The following GRM6 variants were observed in gnomAD, a reference collection of about 807,000 sequenced individuals.
The protein encoded by GRM6 is metabotropic glutamate receptor 6.
In GRM6, 73 loss-of-function variants were observed where a neutral mutation model predicts 78.4. The ratio of observed to expected loss-of-function variants is 0.93; its 90% confidence interval spans 0.77 to 1.13. The LOEUF is 1.13. Ranked by LOEUF, GRM6 falls within the 50% of genes most tolerant of loss-of-function variation. The probability of loss-of-function intolerance (pLI) is 0.00; values close to 1 mark genes in which losing one functional copy is unlikely to be tolerated. For missense variants in GRM6, 1,251 were observed against 1,256.4 expected (o/e 1.00, Z 0.07); for synonymous variants, 580 against 555.0 (o/e 1.05, Z -0.63).
Position 178,992,154 on chromosome 5 carries a change from C to A in GRM6, c.505-71G>T, listed in dbSNP as rs575080324. Reference sequence around the variant, plus strand: ...CTCAAGAGAGGGAGGGTAAGGGGGGCCCAGGACACGGACGGGGCACAGAAG... The same window carrying A: ...CTCAAGAGAGGGAGGGTAAGGGGGGACCAGGACACGGACGGGGCACAGAAG... On this transcript the variant is annotated intron_variant, in intron 2 of 10. Transcript: ENST00000517717. The surrounding 1 kb of genome is among the most constrained non-coding windows in gnomAD (Gnocchi z 4.9). 1.9e-6 allele frequency: 2 copies of A among 1,033,892 alleles called. No homozygotes were observed. The highest frequency in any genetic ancestry group is 2.5e-5 in the East Asian group (1 of 40,610). The allele number at this position is 1,033,892 out of a possible 1,614,324, so 64.0% of individuals were successfully genotyped here.
chr5:178,982,973 G>A lies in GRM6; in HGVS notation c.2373C>T (p.Thr791=), dbSNP rs770043730. 7 of 1,614,188 alleles carry A rather than the reference G, an allele frequency of 4.3e-6. No individual in the cohort carries two copies. The highest frequency in any genetic ancestry group is 5.9e-6 in the Non-Finnish European group (7 of 1,179,996). Residue 791 remains threonine, a synonymous_variant, in exon 10 of 11, where the codon ACC becomes ACT. Coordinates refer to ENST00000517717, the MANE Select transcript of GRM6 (RefSeq NM_000843.4). ...EAKPIGFTMY[T]TCIIWLAFVP... Reference sequence around the variant, plus strand: ...CGAATGCCAGCCAGATGATGCAGGTGGTGTACATGGTGAAGCCGATGGGCT... The same window carrying A: ...CGAATGCCAGCCAGATGATGCAGGTAGTGTACATGGTGAAGCCGATGGGCT...
Position 178,991,642 on chromosome 5 carries a change from G to T in GRM6, c.722-83C>A. ...GCCACCGCTGCAGAGGACTGTGTAG[G>T]CTGGCTGAAGGGTCTGCAGGGGTGA... On this transcript the variant is annotated intron_variant, in intron 3 of 10. Transcript: ENST00000517717. The surrounding 1 kb of genome is among the most constrained non-coding windows in gnomAD (Gnocchi z 5.0). The T allele has an allele frequency of 6.7e-7, 1 of 1,500,166 alleles. No individual in the cohort carries two copies. The highest frequency in any genetic ancestry group is 9.3e-7 in the Non-Finnish European group (1 of 1,078,806). The allele number at this position is 1,500,166 out of a possible 1,614,324, so 92.9% of individuals were successfully genotyped here. A position where few individuals can be genotyped will look rare whatever the true frequency, so the allele number is the denominator to read the frequency against.
chr5:178,981,878 G>A lies in GRM6; in HGVS notation c.2437-24C>T, dbSNP rs1188195372. ...ATCTAGGCCATGGAAGAGGGGACCA[G>A]ATGGGACTCAGCCCTGCTCTCCCTG... On this transcript the variant is annotated intron_variant, in intron 10 of 10. Coordinates refer to ENST00000517717, the MANE Select transcript of GRM6 (RefSeq NM_000843.4). This position sits in a 1 kb window ranked among gnomAD's most constrained non-coding sequence, Gnocchi z 5.1. 1 of 1,456,184 alleles carries A rather than the reference G, an allele frequency of 6.9e-7. No homozygotes were observed. The highest frequency in any genetic ancestry group is 1.7e-5 in the Admixed American group (1 of 59,792). The allele number at this position is 1,456,184 out of a possible 1,614,324, so 90.2% of individuals were successfully genotyped here.
chr5:178,987,533 G>GA (rs1760592596), intron 7 of GRM6: 2 of 436,666 alleles, frequency 4.6e-6, no homozygotes, highest in Non-Finnish European at 9.3e-6. Context: ...TGGAGGACAT[G>GA]ATGCTCGGTG....
chr5:178,982,223 T>C (rs1182685680), intron 10 of GRM6, among the ~76,000 whole-genome samples: 2 of 152,220 alleles, frequency 1.3e-5, no homozygotes, highest in African/African-American at 4.8e-5. Flanking sequence ...TAAAATATTC[T>C]GCCGCATACG....
Position 178,994,957 on chromosome 5 carries a change from C to G in GRM6, c.-13G>C, listed in dbSNP as rs1760748084. The G allele has an allele frequency of 8.6e-7, 1 of 1,160,410 alleles. No individual in the cohort carries two copies. Among genetic ancestry groups the G allele is most frequent in the Non-Finnish European group, 1.1e-6 (1 of 941,846 alleles). 71.9% of individuals were successfully genotyped at this position (1,160,410 alleles called of 1,614,324 possible). A position where few individuals can be genotyped will look rare whatever the true frequency, so the allele number is the denominator to read the frequency against. On this transcript the variant is annotated 5_prime_UTR_variant, in exon 2 of 11. Coordinates refer to ENST00000517717, the MANE Select transcript of GRM6 (RefSeq NM_000843.4). ...GGGGCCGCGCCATCGGCTCGTCTAGCGGGCTGCGGGGAGACAGAGGGGCGG... is the reference window on the plus strand; with the variant it reads ...GGGGCCGCGCCATCGGCTCGTCTAGGGGGCTGCGGGGAGACAGAGGGGCGG...
At position 178,994,908 on chromosome 5, in the gene GRM6, C is replaced by A; in HGVS notation, c.37G>T (p.Val13Leu). ...AGCCACGCCAGCGGCAGCAGCGCCACGAGCAGCGGCTCCCGGGCTCTCCGG... is the reference window on the plus strand; with the variant it reads ...AGCCACGCCAGCGGCAGCAGCGCCAAGAGCAGCGGCTCCCGGGCTCTCCGG... ...RPRRAREPLLVALLPLAWLAQ... is the reference protein window; with the variant it reads ...RPRRAREPLLLALLPLAWLAQ... Residue 13 changes from valine to leucine, a missense_variant, in exon 2 of 11, where the codon GTG (valine) becomes TTG (leucine). Coordinates refer to ENST00000517717, the MANE Select transcript of GRM6 (RefSeq NM_000843.4). 8.3e-7 allele frequency: 1 copy of A among 1,208,026 alleles called. No individual in the cohort carries two copies. The highest frequency in any genetic ancestry group is 3.7e-5 in the East Asian group (1 of 26,706). The allele number at this position is 1,208,026 out of a possible 1,614,324, so 74.8% of individuals were successfully genotyped here. A position where few individuals can be genotyped will look rare whatever the true frequency, so the allele number is the denominator to read the frequency against.
chr5:178,992,106 G>A lies in GRM6; in HGVS notation c.505-23C>T, dbSNP rs1357565090. On this transcript the variant is annotated intron_variant, in intron 2 of 10. Coordinates refer to ENST00000517717, the MANE Select transcript of GRM6 (RefSeq NM_000843.4). This position sits in a 1 kb window ranked among gnomAD's most constrained non-coding sequence, Gnocchi z 4.9. ...TATCTGTGGGGCAGGAAGGACAGCT[G>A]GGCTGTGGATGGAGGTCAGTAACTC... The A allele has an allele frequency of 1.3e-6, 2 of 1,564,904 alleles. No individual in the cohort carries two copies. Among genetic ancestry groups the A allele is most frequent in the Non-Finnish European group, 1.8e-6 (2 of 1,136,832 alleles).
Position 178,986,682 on chromosome 5 carries a change from C to A in GRM6, c.1572G>T (p.Pro524=), listed in dbSNP as rs760965209. 1 of 1,603,712 alleles carries A rather than the reference C, an allele frequency of 6.2e-7. No individual in the cohort carries two copies. The highest frequency in any genetic ancestry group is 1.1e-5 in the South Asian group (1 of 91,086). ...CCTTCACCATCTTCTTCCGCTCCCC[C>A]GGCCCGCAGGGCAGGCTGCACAGAG... ...PSSLCSLPCG[P]GERKKMVKGV... The change falls in exon 9 of 11, where the codon CCG becomes CCT. Residue 524 remains proline (P), a synonymous_variant. Coordinates refer to ENST00000517717, the MANE Select transcript of GRM6 (RefSeq NM_000843.4).
chr5:178,993,505 C>T (rs1469786023), intron 2 of GRM6, among the ~76,000 whole-genome samples: 1 of 152,170 alleles, frequency 6.6e-6, no homozygotes, highest in Non-Finnish European at 1.5e-5. Flanking sequence ...AGCGGCCCCG[C>T]ACGCCTGGAA....
rs752901391 is a variant in GRM6 at position 178,991,925 on chromosome 5, G to A, written c.663C>T (p.Ser221=). The A allele has an allele frequency of 2.7e-5, 43 of 1,614,122 alleles. No homozygotes were observed. The highest frequency in any genetic ancestry group is 3.3e-4 in the Middle Eastern group (2 of 6,062). ...LGWNYVSTLA[S]EGNYGESGVE... ...CCCCACTTTCGCCATAGTTGCCCTC[G>A]GAGGCCAGCGTGGACACATAGTTCC... is the stretch of plus-strand genomic sequence containing the variant. Residue 221 remains serine, a synonymous_variant, in exon 3 of 11, where the codon TCC becomes TCT. Coordinates refer to ENST00000517717, the MANE Select transcript of GRM6 (RefSeq NM_000843.4). The surrounding 1 kb of genome is among the most constrained non-coding windows in gnomAD (Gnocchi z 5.0).
Position 178,980,380 on chromosome 5 carries a change from C to T in GRM6, c.*1277G>A. 6.5e-6 allele frequency: 1 copy of T among 154,516 alleles called. No homozygotes were observed. Among genetic ancestry groups the T allele is most frequent in the Middle Eastern group, 5.2e-4 (1 of 1,926 alleles). 9.6% of individuals were successfully genotyped at this position (154,516 alleles called of 1,614,324 possible). A position where few individuals can be genotyped will look rare whatever the true frequency, so the allele number is the denominator to read the frequency against. On this transcript the variant is annotated 3_prime_UTR_variant, in exon 11 of 11. Coordinates refer to ENST00000517717, the MANE Select transcript of GRM6 (RefSeq NM_000843.4). The surrounding 1 kb of genome is among the most constrained non-coding windows in gnomAD (Gnocchi z 4.3). ...CAGCCCAAGCCTCTTCCTCCCCAGG[C>T]CTGGCGCTCAGCTTGCAAATGGACT...
chr5:178,985,319 T>C (rs1047373712), intron 9 of GRM6: 2 of 453,878 alleles, frequency 4.4e-6, no homozygotes, highest in African/African-American at 4.0e-5. Context: ...ACTGCCCCGT[T>C]TTCCTTCAAG....
Position 178,978,677 on chromosome 5 carries a change from A to G in GRM6, c.*2980T>C, listed in dbSNP as rs1294961986. 6.6e-6 allele frequency: 1 copy of G among 152,254 alleles called. No individual in the cohort carries two copies. Among genetic ancestry groups the G allele is most frequent in the Non-Finnish European group, 1.5e-5 (1 of 68,048 alleles). 9.4% of individuals were successfully genotyped at this position (152,254 alleles called of 1,614,324 possible). ...GCAATTTTAATTGTGTAAACATGGA[A>G]TAAGCCTCCAACCCAGAACTCCATT... is the stretch of plus-strand genomic sequence containing the variant. On this transcript the variant is annotated 3_prime_UTR_variant, in exon 11 of 11. Coordinates refer to ENST00000517717, the MANE Select transcript of GRM6 (RefSeq NM_000843.4).
intron 2 of GRM6, among the ~76,000 whole-genome samples, chr5:178,993,196 C>T (rs2645333): frequency 0.95 from 144,065 of 152,286 alleles, 68,719 homozygotes; most frequent in East Asian, 1. Context: ...CATTTCTAGC[C>T]GGGCAGCACA....
At position 178,992,000 on chromosome 5, in the gene GRM6, G is replaced by T; in HGVS notation, c.588C>A (p.Pro196=). The change falls in exon 3 of 11, where the codon CCC becomes CCA. Residue 196 remains proline, a synonymous_variant. Coordinates refer to ENST00000517717, the MANE Select transcript of GRM6 (RefSeq NM_000843.4). This position sits in a 1 kb window ranked among gnomAD's most constrained non-coding sequence, Gnocchi z 5.0. ...CCATGGCCTGCGCCTGGTAGGAGTC[G>T]GGTGGCACCACCCGGGAGAAGAAGT... ...RYDFFSRVVP[P]DSYQAQAMVD... is the part of the protein sequence containing the mutation. 1 of 1,614,086 alleles carries T rather than the reference G, an allele frequency of 6.2e-7. No homozygotes were observed. Among genetic ancestry groups the T allele is most frequent in the Admixed American group, 1.7e-5 (1 of 60,026 alleles).
Position 178,983,003 on chromosome 5 carries a change from C to T in GRM6, c.2343G>A (p.Glu781=), listed in dbSNP as rs1010094389. ...ACATGGTGAAGCCGATGGGCTTGGCCTCGTTGAAGGTCTCGGGCACGCCAC... is the reference window on the plus strand; with the variant it reads ...ACATGGTGAAGCCGATGGGCTTGGCTTCGTTGAAGGTCTCGGGCACGCCAC... ...KARGVPETFN[E]AKPIGFTMYT... Residue 781 remains glutamate (E), a synonymous_variant, in exon 10 of 11, where the codon GAG becomes GAA. Coordinates refer to ENST00000517717, the MANE Select transcript of GRM6 (RefSeq NM_000843.4). The T allele has an allele frequency of 6.2e-7, 1 of 1,614,138 alleles. No individual in the cohort carries two copies. The highest frequency in any genetic ancestry group is 1.7e-5 in the Admixed American group (1 of 60,028).
At position 178,990,751 on chromosome 5, in the gene GRM6, T is replaced by C. The variant is rs773739046; in HGVS notation, c.858-5A>G. ...CGAGCTGCCTCCAGGACCCGCCTGG[T>C]AGGAGCAGGGCTGGGGTGAGGGAGG... is the stretch of plus-strand genomic sequence containing the variant. On this transcript the variant is annotated splice_polypyrimidine_tract_variant and splice_region_variant and intron_variant, in intron 4 of 10. Transcript: ENST00000517717. 66 of 1,561,316 alleles carry C rather than the reference T, an allele frequency of 4.2e-5. 1 individual carries two copies. In the South Asian group the frequency reaches 5.2e-4, roughly 12 times the overall value.
At position 178,983,438 on chromosome 5, in the gene GRM6, G is replaced by A. The variant is rs1288994632; in HGVS notation, c.2125-217C>T. 4 of 698,414 alleles carry A rather than the reference G, an allele frequency of 5.7e-6. No individual in the cohort carries two copies. In the Admixed American group the frequency reaches 8.0e-5, roughly 14 times the overall value. The allele number at this position is 698,414 out of a possible 1,614,324, so 43.3% of individuals were successfully genotyped here. A position where few individuals can be genotyped will look rare whatever the true frequency, so the allele number is the denominator to read the frequency against. ...AAGAGGGGTCCGTCCAAAGGCCCGT[G>A]ACCTGGCAGCTGCGGAGAAGGGCTG... On this transcript the variant is annotated intron_variant, in intron 9 of 10. Transcript: ENST00000517717.
Sources: gnomAD v4.1 joint callset for allele counts (sites outside exome capture counted in the v4.1 genomes callset) on GRCh38, gnomAD v4.1.1 for gene constraint, Gnocchi (gnomAD v3.1) non-coding constraint, MANE v1.5 for transcripts, NCBI Gene and HGNC (gene_info 2026-07-23, HGNC 2026-07-21) for gene names.